The following NEO1 variants were observed in gnomAD, a reference collection of about 807,000 sequenced individuals.
NEO1 encodes neogenin 1.
In NEO1, 63 loss-of-function variants were observed where a neutral mutation model predicts 159.7. That is an observed-to-expected ratio of 0.39 (90% CI 0.32 to 0.49). The LOEUF (loss-of-function observed/expected upper bound fraction) is 0.49. NEO1 is among the 20% of genes least tolerant of loss of function. The probability of loss-of-function intolerance (pLI) is 0.85; values close to 1 mark genes in which losing one functional copy is unlikely to be tolerated. For synonymous variants in NEO1, 633 were observed against 662.0 expected, an observed-to-expected ratio of 0.96 and a Z score of 0.67; for missense variants, 1,615 against 1,831.0, an observed-to-expected ratio of 0.88 and a Z score of 2.15.
At position 73,249,081 on chromosome 15, in the gene NEO1, C is replaced by T. The variant is rs371751098; in HGVS notation, c.1628C>T (p.Pro543Leu). The change falls in exon 10 of 29, where the codon CCT becomes CTT. Residue 543 changes from proline (P) to leucine (L), a missense_variant. Coordinates refer to ENST00000261908, the MANE Select transcript of NEO1 (RefSeq NM_002499.4). ...CTAGTTCAGCTCCCTGGCCCAGCAC[C>T]TAACCTTCGTGCATATGCAGCTTCG... Reference protein sequence around the residue: ...QPEVQLPGPAPNLRAYAASPT... With the variant: ...QPEVQLPGPALNLRAYAASPT... The T allele has an allele frequency of 3.7e-6, 6 of 1,613,936 alleles. No individual in the cohort carries two copies. The African/African-American group carries it at 6.7e-5, about 18-fold the overall frequency.
In NEO1 at chr15:73,058,852, A is replaced by G. The variant is rs147820182; in HGVS notation, c.130+6047A>G. Among the ~76,000 whole-genome samples the G allele has an allele frequency of 1.9e-3, 294 of 152,304 alleles. 2 individuals are homozygous for G. Among genetic ancestry groups the G allele is most frequent in the African/African-American group, 6.7e-3 (280 of 41,556 alleles). On this transcript the variant is annotated intron_variant, in intron 1 of 28. Transcript: ENST00000261908. ...TAAAATGGAACAGTGGGTTTATTTC[A>G]GCTTAATAACTTCTATTCAGTTATT...
chr15:73,058,695 A>C (rs937436968), intron 1 of NEO1, among the ~76,000 whole-genome samples: 1 of 152,160 alleles, frequency 6.6e-6, no homozygotes, highest in Non-Finnish European at 1.5e-5. Context: ...TACCACTTTT[A>C]ATTGTGAACT....
At chr15:73,287,141 C>G (rs768541802) in intron 23 of NEO1, among the ~76,000 whole-genome samples, 1 of 152,206 alleles carries the variant, frequency 6.6e-6, no homozygotes, top group African/African-American at 2.4e-5. Context: ...CTGCAGGGTT[C>G]ACTATGTCCC....
intron 23 of NEO1, among the ~76,000 whole-genome samples, chr15:73,287,829 G>A (rs951603410): frequency 3.3e-5 from 5 of 151,274 alleles, no homozygotes; most frequent in Admixed American, 6.6e-5. Flanking sequence ...GCAATGAGCC[G>A]ATATCTCGCC....
intron 5 of NEO1, among the ~76,000 whole-genome samples, chr15:73,164,855 T>C (rs1476350538): frequency 6.6e-6 from 1 of 152,244 alleles, no homozygotes; most frequent in African/African-American, 2.4e-5. Context: ...TGGCTACATG[T>C]ATACTAATAT....
intron 26 of NEO1, 130 bp from the exon 27 acceptor site, chr15:73,298,218 T>G: frequency 9.3e-7 from 1 of 1,069,794 alleles, no homozygotes; most frequent in Non-Finnish European, 1.3e-6. Context: ...TAATCCATGT[T>G]CTCTTGGACT....
chr15:73,295,980 A>G (rs908823951), intron 26 of NEO1, among the ~76,000 whole-genome samples: 3 of 152,216 alleles, frequency 2.0e-5, no homozygotes, highest in Admixed American at 1.3e-4. Context: ...TAAGCAGGCC[A>G]GTGATTTTGC....
chr15:73,228,588 G>C (rs574620643), intron 7 of NEO1, among the ~76,000 whole-genome samples: 3 of 150,110 alleles, frequency 2.0e-5, no homozygotes, highest in African/African-American at 7.3e-5. Context: ...TTTTTTCTGG[G>C]TTTTTTTTAG....
At chr15:73,169,643 C>CTTTTTTTTTTTTT (rs35991255) in intron 5 of NEO1, among the ~76,000 whole-genome samples, 1 of 105,246 alleles carries the variant, frequency 9.5e-6, no homozygotes, top group Non-Finnish European at 1.9e-5. Flanking sequence ...CTCCCCCCTC[C>CTTTTTTTTTTTTT]TTTTTTTTTT....
At chr15:73,192,758 G>A (rs1394141397) in intron 7 of NEO1, among the ~76,000 whole-genome samples, 4 of 151,902 alleles carry the variant, frequency 2.6e-5, no homozygotes, top group Non-Finnish European at 5.9e-5. Context: ...GAAAAGAGAA[G>A]GAAAGATATA....
At chr15:73,071,000 TG>T (rs1299678831) in intron 1 of NEO1, among the ~76,000 whole-genome samples, 1 of 152,214 alleles carries the variant, frequency 6.6e-6, no homozygotes, top group Non-Finnish European at 1.5e-5. Context: ...GATCTCACTC[TG>T]TAACCCAGGC....
intron 7 of NEO1, among the ~76,000 whole-genome samples, chr15:73,184,894 C>T (rs2035832045): frequency 6.6e-6 from 1 of 152,004 alleles, no homozygotes; most frequent in Admixed American, 6.6e-5. Flanking sequence ...CACCACTGCA[C>T]TCCAGCCTGG....
At chr15:73,271,448 G>C (rs570051507) in intron 18 of NEO1, among the ~76,000 whole-genome samples, 1 of 152,244 alleles carries the variant, frequency 6.6e-6, no homozygotes, top group Non-Finnish European at 1.5e-5. Flanking sequence ...AAAGTTTTCA[G>C]CTATCACATG....
intron 5 of NEO1, among the ~76,000 whole-genome samples, chr15:73,168,632 A>G (rs537376033): frequency 6.6e-6 from 1 of 152,294 alleles, no homozygotes; most frequent in African/African-American, 2.4e-5. Flanking sequence ...AGTCAAGTGG[A>G]AACATTGTTA....
intron 5 of NEO1, among the ~76,000 whole-genome samples, chr15:73,166,672 A>G (rs2034590225): frequency 6.6e-6 from 1 of 152,224 alleles, no homozygotes; most frequent in African/African-American, 2.4e-5. Context: ...TTTGCAGTTC[A>G]TTAAGGAAGA....
upstream of NEO1, among the ~76,000 whole-genome samples, chr15:73,052,220 C>G (rs1487896036): frequency 1.4e-5 from 2 of 139,522 alleles, no homozygotes; most frequent in Non-Finnish European, 3.2e-5. Context: ...GGGATTGGAG[C>G]GGGGGCGGGC....
intron 1 of NEO1, among the ~76,000 whole-genome samples, chr15:73,069,498 A>G (rs1300332898): frequency 6.6e-6 from 1 of 151,982 alleles, no homozygotes; most frequent in East Asian, 1.9e-4. Flanking sequence ...AATATCAATT[A>G]ATATATAAAC....
chr15:73,055,651 C>T (rs980781056), intron 1 of NEO1, among the ~76,000 whole-genome samples: 1 of 152,184 alleles, frequency 6.6e-6, no homozygotes, highest in Admixed American at 6.5e-5. Flanking sequence ...TAAATAGGAT[C>T]TTAGGTTACT....
At chr15:73,146,341 A>G (rs2151810232) in intron 5 of NEO1, among the ~76,000 whole-genome samples, 1 of 152,316 alleles carries the variant, frequency 6.6e-6, no homozygotes, top group Admixed American at 6.5e-5. Context: ...TATTCTCCGT[A>G]CTTCTGGATA....
Sources: allele counts gnomAD v4.1 joint callset (sites outside exome capture counted in the v4.1 genomes callset), GRCh38; gene constraint gnomAD v4.1.1; transcripts MANE v1.5; gene names NCBI Gene and HGNC (gene_info 2026-07-23, HGNC 2026-07-21).